Variants in CIB4 observed in about 807,000 individuals in gnomAD.
CIB4 encodes calcium and integrin-binding family member 4.
In CIB4, 25 loss-of-function variants were observed where a neutral mutation model predicts 25.8. The ratio of observed to expected loss-of-function variants is 0.97; its 90% CI spans 0.71 to 1.35. The LOEUF (loss-of-function observed/expected upper bound fraction) is 1.35. Ranked by LOEUF, CIB4 falls within the 40% of genes most tolerant of loss-of-function variation. CIB4 has a pLI of 0.00. For missense variants in CIB4, 235 were observed against 228.2 expected, an observed-to-expected ratio of 1.03 and a Z score of -0.19; for synonymous variants, 75 against 81.4, an observed-to-expected ratio of 0.92 and a Z score of 0.42.
intron 5 of CIB4, 26 bp downstream of exon 5, chr2:26,583,763 A>C (rs2148186361): frequency 6.7e-7 from 1 of 1,482,408 alleles, no homozygotes; most frequent in Non-Finnish European, 9.4e-7. Flanking sequence ...GGCCCCAGCC[A>C]CCAACTCCCA....
At chr2:26,591,050 G>T (rs1354040124) in intron 4 of CIB4, among the ~76,000 whole-genome samples, 2 of 152,212 alleles carry the variant, frequency 1.3e-5, no homozygotes, top group African/African-American at 4.8e-5. Context: ...GCTCCTGAAG[G>T]GTTTGAGTGT....
At chr2:26,640,770 C>T (rs1669620341) in intron 1 of CIB4, among the ~76,000 whole-genome samples, 1 of 152,202 alleles carries the variant, frequency 6.6e-6, no homozygotes, top group South Asian at 2.1e-4. Context: ...TCTTACAGCC[C>T]TGGGAAGGAG....
chr2:26,586,257 C>T (rs1668450690), intron 4 of CIB4, among the ~76,000 whole-genome samples: 1 of 152,182 alleles, frequency 6.6e-6, no homozygotes, highest in Non-Finnish European at 1.5e-5. Flanking sequence ...AGTCAGCCCG[C>T]CCTCACTCTG....
At chr2:26,584,589 G>A (rs1462428419) in intron 4 of CIB4, among the ~76,000 whole-genome samples, 4 of 152,334 alleles carry the variant, frequency 2.6e-5, no homozygotes, top group South Asian at 2.1e-4. Flanking sequence ...CTCCAACCCC[G>A]TGCATCCTCC....
At chr2:26,617,147 T>C (rs62129514) in intron 3 of CIB4, among the ~76,000 whole-genome samples, 4 of 150,400 alleles carry the variant, frequency 2.7e-5, no homozygotes, top group African/African-American at 7.4e-5. Context: ...TGTGTGTGTG[T>C]GCACGTGAGC....
At chr2:26,589,060 CTCT>C (rs367591422) in intron 4 of CIB4, among the ~76,000 whole-genome samples, 5,209 of 36,438 alleles carry the variant, frequency 0.14, 617 homozygotes, top group Middle Eastern at 0.26. Context: ...CTTCTTCTTC[CTCT>C]TCCTCTTCCT....
chr2:26,601,231 AATATAT>A (rs1165155834), intron 3 of CIB4, among the ~76,000 whole-genome samples: 862 of 16,940 alleles, frequency 0.051, 34 homozygotes, highest in Middle Eastern at 0.11. Flanking sequence ...AAAAAAAAAA[AATATAT>A]ATATATATAT....
At chr2:26,621,114 C>G (rs1572564905) in intron 3 of CIB4, among the ~76,000 whole-genome samples, 1 of 151,734 alleles carries the variant, frequency 6.6e-6, no homozygotes, top group East Asian at 1.9e-4. Context: ...GGAAAGGCCC[C>G]AGAGCTGAAG....
In CIB4 at chr2:26,581,254, T is replaced by G. The variant is rs744539; in HGVS notation, c.*109A>C. ...TAATAAACAATATTCTAGAGGTGAG[T>G]GTGGGCCCAGTACAAAGTCATACTT... On this transcript the variant is annotated 3_prime_UTR_variant, in exon 7 of 7. Coordinates refer to ENST00000288861, the MANE Select transcript of CIB4 (RefSeq NM_001029881.3). 0.56 allele frequency: 476,919 copies of G among 851,768 alleles called. 135,712 individuals are homozygous for G. Among genetic ancestry groups the G allele is most frequent in the East Asian group, 0.72 (29,702 of 41,070 alleles). The allele number at this position is 851,768 out of a possible 1,614,324, so 52.8% of individuals were successfully genotyped here.
At chr2:26,615,478 C>A (rs1669074851) in intron 3 of CIB4, among the ~76,000 whole-genome samples, 2 of 152,200 alleles carry the variant, frequency 1.3e-5, no homozygotes, top group African/African-American at 4.8e-5. Context: ...GTCATCCATG[C>A]CCCGCCCTTT....
rs539827948 is a variant in CIB4, at chr2:26,629,529, C to T, written c.90-23G>A. The T allele has an allele frequency of 1.5e-5, 22 of 1,511,120 alleles. No individual in the cohort carries two copies. The East Asian group carries it at 1.7e-4, about 12-fold the overall frequency. The allele number at this position is 1,511,120 out of a possible 1,614,324, so 93.6% of individuals were successfully genotyped here. On this transcript the variant is annotated intron_variant, in intron 2 of 6. Transcript: ENST00000288861. ...ATGCTGAAAAGAGAGGCATGAAGAC[C>T]GTGTGGCCGGGGAAAGGAGGCCAGC... is the stretch of plus-strand genomic sequence containing the variant.
chr2:26,586,817 A>G (rs1668461717), intron 4 of CIB4, among the ~76,000 whole-genome samples: 1 of 152,206 alleles, frequency 6.6e-6, no homozygotes, highest in South Asian at 2.1e-4. Context: ...CGTTGCTGCT[A>G]GATGTGCCCA....
intron 3 of CIB4, among the ~76,000 whole-genome samples, chr2:26,607,472 A>T (rs1668913400): frequency 6.6e-6 from 1 of 152,218 alleles, no homozygotes; most frequent in Admixed American, 6.5e-5. Flanking sequence ...ATAGCTTGTG[A>T]TCAACTCTAC....
chr2:26,601,189 C>G (rs1668775697), intron 3 of CIB4, among the ~76,000 whole-genome samples: 1 of 140,784 alleles, frequency 7.1e-6, no homozygotes, highest in African/African-American at 2.8e-5. Flanking sequence ...CACTGCACTC[C>G]AGCCTGAGTG....
intron 4 of CIB4, among the ~76,000 whole-genome samples, chr2:26,589,621 C>A (rs1668547939): frequency 6.6e-6 from 1 of 152,174 alleles, no homozygotes; most frequent in African/African-American, 2.4e-5. Flanking sequence ...TGCACCCAGC[C>A]CCTGCTGGAT....
At chr2:26,593,757 G>C (rs563948079) in intron 4 of CIB4, among the ~76,000 whole-genome samples, 1 of 152,334 alleles carries the variant, frequency 6.6e-6, no homozygotes, top group African/African-American at 2.4e-5. Flanking sequence ...TGCAAACCCT[G>C]TCACTCATGG....
intron 4 of CIB4, among the ~76,000 whole-genome samples, chr2:26,593,150 C>T (rs1455516914): frequency 2.0e-5 from 3 of 152,158 alleles, no homozygotes; most frequent in Non-Finnish European, 4.4e-5. Flanking sequence ...GACATTGATG[C>T]TCCTGGTTCT....
At chr2:26,601,035 C>T (rs1668772772) in intron 3 of CIB4, among the ~76,000 whole-genome samples, 1 of 151,668 alleles carries the variant, frequency 6.6e-6, no homozygotes, top group Admixed American at 6.6e-5. Context: ...GACTAGGCAA[C>T]ATAATGAGAC....
chr2:26,604,615 C>T (rs1259247839), intron 3 of CIB4, among the ~76,000 whole-genome samples: 3 of 152,062 alleles, frequency 2.0e-5, no homozygotes, highest in East Asian at 1.9e-4. Context: ...TTTTTTTCCC[C>T]CAGACAAACA....
Sources: allele counts gnomAD v4.1 joint callset (sites outside exome capture counted in the v4.1 genomes callset), GRCh38; gene constraint gnomAD v4.1.1; transcripts MANE v1.5; gene names NCBI Gene and HGNC (gene_info 2026-07-23, HGNC 2026-07-21).